SPIC: variants seen among roughly 807,000 people sequenced by gnomAD.
SPIC encodes the protein Spi-C transcription factor, also known as transcription factor Spi-C.
In SPIC, 9 loss-of-function variants were observed where a neutral mutation model predicts 16.7. The ratio of observed to expected loss-of-function variants is 0.54; its 90% CI spans 0.33 to 0.94. SPIC has a LOEUF of 0.94. Ranked by LOEUF, SPIC falls within the 40% of genes least tolerant of loss-of-function variation. The probability of loss-of-function intolerance (pLI) is 0.03; values close to 1 mark genes in which losing one functional copy is unlikely to be tolerated. For synonymous variants in SPIC, 97 were observed against 102.9 expected (o/e 0.94, Z 0.35); for missense variants, 241 against 285.8 (o/e 0.84, Z 1.13).
chr12:101,484,793 G>C (rs985382180), intron 5 of SPIC, among the ~76,000 whole-genome samples: 1 of 145,088 alleles, frequency 6.9e-6, no homozygotes, highest in Non-Finnish European at 1.5e-5. Context: ...GCTTGAACCC[G>C]GGAGGCAGAG....
chr12:101,484,383 A>T (rs1403955405), intron 5 of SPIC, among the ~76,000 whole-genome samples: 1 of 151,832 alleles, frequency 6.6e-6, no homozygotes, highest in Non-Finnish European at 1.5e-5. Context: ...AAAATAAAAA[A>T]AATTTAGCCG....
intron 1 of SPIC, among the ~76,000 whole-genome samples, chr12:101,476,138 A>T (rs554627394): frequency 8.5e-5 from 13 of 152,264 alleles, no homozygotes; most frequent in African/African-American, 3.1e-4. Flanking sequence ...GACCCACCAC[A>T]GTTCTTTTTA....
At chr12:101,481,688 A>AT (rs1375644298) in intron 4 of SPIC, among the ~76,000 whole-genome samples, 1 of 150,958 alleles carries the variant, frequency 6.6e-6, no homozygotes, top group African/African-American at 2.4e-5. Context: ...TAATTTTTGT[A>AT]TTTTTAGTAG....
At chr12:101,486,070 G>A (rs1009115949) in intron 5 of SPIC, among the ~76,000 whole-genome samples, 1 of 152,184 alleles carries the variant, frequency 6.6e-6, no homozygotes, top group African/African-American at 2.4e-5. Context: ...CAAAGTGCTG[G>A]GACTACAGGC....
chr12:101,480,452 T>G (rs1296464069), intron 4 of SPIC, among the ~76,000 whole-genome samples: 4 of 152,264 alleles, frequency 2.6e-5, no homozygotes, highest in African/African-American at 9.6e-5. Context: ...AATTCATTGA[T>G]ATTTTATTAA....
intron 3 of SPIC, 37 bp downstream of exon 3, chr12:101,477,688 T>C: frequency 6.5e-7 from 1 of 1,547,168 alleles, no homozygotes; most frequent in East Asian, 2.2e-5. Flanking sequence ...TGCTGGTACA[T>C]CAAATGGCTT....
At chr12:101,482,997 G>C in intron 5 of SPIC, 97 bp downstream of exon 5, 1 of 1,067,514 alleles carries the variant, frequency 9.4e-7, no homozygotes, top group Non-Finnish European at 1.4e-6. Context: ...AATTGAATTT[G>C]CAAAATATTC....
chr12:101,477,363 G>T (rs1305040107), intron 2 of SPIC, among the ~76,000 whole-genome samples, 195 bp from the exon 3 acceptor site: 1 of 152,156 alleles, frequency 6.6e-6, no homozygotes, highest in African/African-American at 2.4e-5. Context: ...GGCAACCAGT[G>T]GGTAGGGGTC....
intron 3 of SPIC, among the ~76,000 whole-genome samples, chr12:101,479,013 T>C (rs537996490): frequency 2.6e-5 from 4 of 151,226 alleles, no homozygotes; most frequent in Non-Finnish European, 4.4e-5. Context: ...GGCGTGTGCC[T>C]GGAGTCCCAG....
In SPIC at chr12:101,476,884, T is replaced by C. The variant is rs773674758; in HGVS notation, c.-21T>C. ...AAGCAACAATTGCTAAGGAACAGAA[T>C]TGTCAATTTATTAATGAAATATGGT... On this transcript the variant is annotated 5_prime_UTR_variant, in exon 2 of 6. Coordinates refer to ENST00000551346, the MANE Select transcript of SPIC (RefSeq NM_152323.3). The C allele has an allele frequency of 1.1e-5, 15 of 1,424,818 alleles. No homozygotes were observed. Among genetic ancestry groups the C allele is most frequent in the South Asian group, 1.7e-5 (1 of 60,132 alleles). The allele number at this position is 1,424,818 out of a possible 1,614,324, so 88.3% of individuals were successfully genotyped here.
intron 4 of SPIC, 49 bp from the exon 5 acceptor site, chr12:101,482,743 G>C: frequency 1.3e-6 from 2 of 1,544,086 alleles, no homozygotes; most frequent in Non-Finnish European, 1.8e-6. Flanking sequence ...CTATAATAGG[G>C]GGCAACAGGG....
In SPIC at chr12:101,479,682, G is replaced by C. The variant is rs1428554059; in HGVS notation, c.198G>C (p.Trp66Cys). 6.2e-7 allele frequency: 1 copy of C among 1,612,304 alleles called. No homozygotes were observed. Among genetic ancestry groups the C allele is most frequent in the Non-Finnish European group, 8.5e-7 (1 of 1,178,632 alleles). Residue 66 changes from tryptophan to cysteine, a missense_variant, in exon 4 of 6, where the codon TGG becomes TGC. Coordinates refer to ENST00000551346, the MANE Select transcript of SPIC (RefSeq NM_152323.3). ...VLPTEEPVYN[W>C]RTVINSAADF... ...CTACAGAGGAGCCTGTCTATAATTGGAGAACGGTAATTGTAAGTATCAGAC... is the reference window on the plus strand; with the variant it reads ...CTACAGAGGAGCCTGTCTATAATTGCAGAACGGTAATTGTAAGTATCAGAC...
chr12:101,476,796 A>C (rs1872969106), intron 1 of SPIC, 32 bp from the exon 2 acceptor site: 3 of 624,470 alleles, frequency 4.8e-6, no homozygotes, highest in African/African-American at 3.8e-5. Flanking sequence ...GACTGCATTT[A>C]ATTTTGCTTT....
chr12:101,479,210 A>G (rs1873070782), intron 3 of SPIC, among the ~76,000 whole-genome samples: 1 of 131,232 alleles, frequency 7.6e-6, no homozygotes, highest in African/African-American at 2.8e-5. Flanking sequence ...GAAAGAAAGA[A>G]AGAAAGAAAG....
At chr12:101,478,788 C>T (rs759470233) in intron 3 of SPIC, among the ~76,000 whole-genome samples, 1 of 152,102 alleles carries the variant, frequency 6.6e-6, no homozygotes, top group Non-Finnish European at 1.5e-5. Flanking sequence ...AAATAGAATG[C>T]AAATATGTTA....
intron 5 of SPIC, 119 bp from the exon 6 acceptor site, chr12:101,486,225 T>C: frequency 4.3e-6 from 4 of 925,378 alleles, no homozygotes; most frequent in Non-Finnish European, 6.6e-6. Context: ...GGGCAGTGAG[T>C]GGGAGAAAAA....
intron 2 of SPIC, among the ~76,000 whole-genome samples, chr12:101,477,291 C>G (rs944820947): frequency 6.6e-6 from 1 of 152,026 alleles, no homozygotes; most frequent in Admixed American, 6.6e-5. Flanking sequence ...GATTTTGTGC[C>G]TCAGGGTACA....
At chr12:101,483,086 GT>G (rs58442228) in intron 5 of SPIC, among the ~76,000 whole-genome samples, 186 bp downstream of exon 5, 1,918 of 129,056 alleles carry the variant, frequency 0.015, 18 homozygotes, top group African/African-American at 0.024. Context: ...GACTTCCTGT[GT>G]TTTTTTTTTT....
At chr12:101,476,776 T>G (rs907755222) in intron 1 of SPIC, 52 bp from the exon 2 acceptor site, 1 of 479,968 alleles carries the variant, frequency 2.1e-6, no homozygotes, top group African/African-American at 2.0e-5. Flanking sequence ...TTATTCAGAA[T>G]CAAATTAGAG....
Sources: allele counts gnomAD v4.1 joint callset (sites outside exome capture counted in the v4.1 genomes callset), GRCh38; gene constraint gnomAD v4.1.1; transcripts MANE v1.5; gene names NCBI Gene and HGNC (gene_info 2026-07-23, HGNC 2026-07-21).